Variants in CDK12 observed in about 807,000 individuals in gnomAD.
CDK12 encodes the protein cyclin dependent kinase 12.
CDK12 carries 17 observed loss-of-function variants against 133.8 expected under a neutral mutation model. The ratio of observed to expected loss-of-function variants is 0.13; its 90% CI spans 0.09 to 0.19. The LOEUF (loss-of-function observed/expected upper bound fraction) is 0.19, where lower values mean the gene tolerates loss of function less well. Ranked by LOEUF, CDK12 falls within the 10% of genes least tolerant of loss-of-function variation. CDK12 has a pLI of 1.00. For missense variants in CDK12, 1,508 were observed against 1,818.7 expected, an observed-to-expected ratio of 0.83 and a Z score of 3.11; for synonymous variants, 694 against 683.6, an observed-to-expected ratio of 1.02 and a Z score of -0.24.
chr17:39,499,214 T>TCCTTTC, intron 5 of CDK12, among the ~76,000 whole-genome samples: 1 of 105,194 alleles, frequency 9.5e-6, no homozygotes, highest in Admixed American at 1.1e-4. Flanking sequence ...TTTCCTTTTT[T>TCCTTTC]TTTTTTTTTT....
At chr17:39,477,371 G>C (rs895366897) in intron 2 of CDK12, among the ~76,000 whole-genome samples, 1 of 151,704 alleles carries the variant, frequency 6.6e-6, no homozygotes, top group South Asian at 2.1e-4. Context: ...AAGTAGCTGG[G>C]ACTACAGGCG....
rs2146137580 is a variant in CDK12 at position 39,501,260 on chromosome 17, C to T, written c.2430C>T (p.Tyr810=). Residue 810 remains tyrosine, a synonymous_variant, in exon 6 of 14, where the codon TAC becomes TAT. Transcript: ENST00000447079. ...TTCGTCTTTATGTAGGTGCCTTTTA[C>T]CTTGTATTTGAGTATATGGACCATG... ...LDFKKDKGAF[Y]LVFEYMDHDL... The T allele has an allele frequency of 1.3e-6, 2 of 1,536,650 alleles. No individual in the cohort carries two copies. The highest frequency in any genetic ancestry group is 2.4e-5 in the East Asian group (1 of 41,632).
At chr17:39,514,334 G>A (rs917414415) in intron 8 of CDK12, among the ~76,000 whole-genome samples, 5 of 152,114 alleles carry the variant, frequency 3.3e-5, no homozygotes, top group African/African-American at 9.7e-5. Flanking sequence ...AAAAAGCTAG[G>A]TTCGTTTTGC....
intron 6 of CDK12, among the ~76,000 whole-genome samples, chr17:39,501,906 G>A (rs1177275975): frequency 6.6e-5 from 10 of 151,154 alleles, no homozygotes; most frequent in South Asian, 2.1e-4. Context: ...GTGCAGTGGC[G>A]TGATCTCGTC....
At chr17:39,546,311 C>T (rs889951607), upstream of CDK12, 1 of 151,520 alleles carries the variant, frequency 6.6e-6, no homozygotes, top group Non-Finnish European at 1.5e-5. Context: ...TCCTCAGTAG[C>T]TGGGATTACA....
rs1597889604 is a variant in CDK12 at position 39,461,605 on chromosome 17, G to A, written c.-467G>A. The A allele has an allele frequency of 1.9e-5, 5 of 265,904 alleles. No individual in the cohort carries two copies. In the East Asian group the frequency reaches 2.1e-4, roughly 11 times the overall value. 16.5% of individuals were successfully genotyped at this position (265,904 alleles called of 1,614,324 possible). A position where few individuals can be genotyped will look rare whatever the true frequency, so the allele number is the denominator to read the frequency against. On this transcript the variant is annotated 5_prime_UTR_variant, in exon 1 of 14. Coordinates refer to ENST00000447079, the MANE Select transcript of CDK12 (RefSeq NM_016507.4). ...CTACCTCAGGAGCGAGGGACAAAGGGGGCGTGAGGCACCTAGGCCGCGGCA... is the reference window on the plus strand; with the variant it reads ...CTACCTCAGGAGCGAGGGACAAAGGAGGCGTGAGGCACCTAGGCCGCGGCA...
intron 2 of CDK12, among the ~76,000 whole-genome samples, chr17:39,556,033 CAAA>C (rs145940269): frequency 1.9e-4 from 14 of 72,350 alleles, no homozygotes; most frequent in Admixed American, 3.1e-4. Context: ...GACCCTGTCT[CAAA>C]AAAAAAAAAA....
chr17:39,498,011 CTT>C (rs67700223), intron 5 of CDK12, among the ~76,000 whole-genome samples: 3 of 148,894 alleles, frequency 2.0e-5, no homozygotes, highest in African/African-American at 5.0e-5. Context: ...CTCTTTCTTT[CTT>C]TTTTTTTTGG....
intron 2 of CDK12, among the ~76,000 whole-genome samples, chr17:39,476,234 C>T (rs559147008): frequency 8.6e-5 from 13 of 151,468 alleles, no homozygotes; most frequent in African/African-American, 2.2e-4. Context: ...CTCAGCCTCC[C>T]GAGTAGTTGG....
At chr17:39,561,149 A>C (rs1341847667) in intron 3 of CDK12, among the ~76,000 whole-genome samples, 1 of 152,206 alleles carries the variant, frequency 6.6e-6, no homozygotes, top group Non-Finnish European at 1.5e-5. Flanking sequence ...TGAGACCTGG[A>C]ATGGGGAAGG....
chr17:39,540,811 C>T (rs1280777358), intron 1 of CDK12, among the ~76,000 whole-genome samples: 1 of 152,218 alleles, frequency 6.6e-6, no homozygotes, highest in African/African-American at 2.4e-5. Flanking sequence ...GCCCATTAGC[C>T]AGCCCCAACG....
intron 1 of CDK12, among the ~76,000 whole-genome samples, chr17:39,463,584 C>G (rs571086131): frequency 6.6e-6 from 1 of 152,120 alleles, no homozygotes; most frequent in Non-Finnish European, 1.5e-5. Flanking sequence ...AATCCCCAAA[C>G]CTGTACATTT....
chr17:39,495,921 T>A (rs1180763128), intron 5 of CDK12, among the ~76,000 whole-genome samples: 1 of 151,950 alleles, frequency 6.6e-6, no homozygotes, highest in Non-Finnish European at 1.5e-5. Flanking sequence ...TTGTTTTTGT[T>A]TTTTTTTTGA....
chr17:39,509,861 C>G, intron 7 of CDK12, 100 bp downstream of exon 7: 4 of 888,000 alleles, frequency 4.5e-6, no homozygotes, highest in Non-Finnish European at 7.4e-6. Context: ...GAGTGCGTGG[C>G]TTGATCTCAG....
chr17:39,511,942 A>G, intron 8 of CDK12, among the ~76,000 whole-genome samples: 1 of 152,200 alleles, frequency 6.6e-6, no homozygotes, highest in African/African-American at 2.4e-5. Flanking sequence ...CTTCTGTGTT[A>G]CCTAATTTTG....
Position 39,509,778 on chromosome 17 carries a change from A to T in CDK12, c.2666+17A>T. 1.9e-6 allele frequency: 3 copies of T among 1,574,786 alleles called. No individual in the cohort carries two copies. The highest frequency in any genetic ancestry group is 1.3e-5 in the African/African-American group (1 of 74,090). ...TGAAGAGAGGTAAGGCATTAATTAA[A>T]ATTACATGTGGGAAATAAGGTTTGT... On this transcript the variant is annotated intron_variant, in intron 7 of 13. Coordinates refer to ENST00000447079, the MANE Select transcript of CDK12 (RefSeq NM_016507.4).
At chr17:39,558,355 C>T (rs1189248523) in intron 3 of CDK12, among the ~76,000 whole-genome samples, 1 of 152,180 alleles carries the variant, frequency 6.6e-6, no homozygotes, top group East Asian at 1.9e-4. Context: ...AGGATAGCAG[C>T]AACTAGCATT....
In CDK12 at chr17:39,482,015, C is replaced by CATTTT. The variant is rs773073791; in HGVS notation, c.1932-8542_1932-8541insATTTT. On this transcript the variant is annotated intron_variant, in intron 2 of 13. Transcript: ENST00000447079. ...GATTACAGGCATGAGCCTGGCTTGC[C>CATTTT]TTTTTTTTTTTTTTTTAACAGAGTT... is the stretch of plus-strand genomic sequence containing the variant. Among the ~76,000 whole-genome samples, 22 of 96,226 alleles carry CATTTT rather than the reference C, an allele frequency of 2.3e-4. 2 individuals are homozygous for CATTTT. The highest frequency in any genetic ancestry group is 3.3e-4 in the Non-Finnish European group (15 of 45,178). 63.1% of individuals were successfully genotyped at this position (96,226 alleles called of 152,430 possible).
downstream of CDK12, among the ~76,000 whole-genome samples, chr17:39,566,361 A>G (rs2056574115): frequency 6.6e-6 from 1 of 152,090 alleles, no homozygotes; most frequent in Non-Finnish European, 1.5e-5. Context: ...GCAAGGAGCT[A>G]TAAAAATCAA....
Sources: allele counts gnomAD v4.1 joint callset (sites outside exome capture counted in the v4.1 genomes callset), GRCh38; gene constraint gnomAD v4.1.1; transcripts MANE v1.5; gene names NCBI Gene and HGNC (gene_info 2026-07-23, HGNC 2026-07-21).